PREX2: variants seen among roughly 807,000 people sequenced by gnomAD.
The protein encoded by PREX2 is phosphatidylinositol-3,4,5-trisphosphate dependent Rac exchange factor 2.
A neutral mutation model predicts 203.2 loss-of-function variants in PREX2; 107 were observed. The ratio of observed to expected loss-of-function variants is 0.53; its 90% CI spans 0.45 to 0.62. PREX2 has a LOEUF of 0.62. Among genes scored for constraint, PREX2 ranks in the 20% least tolerant of loss-of-function variants. The pLI is 0.00. For synonymous variants in PREX2, 672 were observed against 663.6 expected (o/e 1.01, Z -0.19); for missense variants, 1,777 against 1,955.9 (o/e 0.91, Z 1.72).
intron 7 of PREX2, 149 bp downstream of exon 7, chr8:68,038,441 A>G (rs1808099544): frequency 3.9e-6 from 3 of 766,182 alleles, no homozygotes; most frequent in Non-Finnish European, 2.1e-6. Flanking sequence ...ATTTCTTCAC[A>G]TATATTCAGT....
At chr8:68,097,550 C>G (rs1370866609) in intron 22 of PREX2, among the ~76,000 whole-genome samples, 4 of 152,216 alleles carry the variant, frequency 2.6e-5, no homozygotes, top group Non-Finnish European at 4.4e-5. Context: ...GTCTCAAACT[C>G]CTGACCTCAA....
chr8:67,996,659 C>T (rs546174346), intron 1 of PREX2, among the ~76,000 whole-genome samples: 1 of 152,246 alleles, frequency 6.6e-6, no homozygotes, highest in Non-Finnish European at 1.5e-5. Flanking sequence ...ATCTATTTTA[C>T]ATTTTTTACT....
chr8:68,151,924 A>T (rs549145264), intron 34 of PREX2, among the ~76,000 whole-genome samples: 2 of 151,458 alleles, frequency 1.3e-5, no homozygotes, highest in Non-Finnish European at 2.9e-5. Context: ...ACGTTTTGTT[A>T]TAAACATTGT....
At chr8:67,958,847 T>C (rs1390783325) in intron 1 of PREX2, among the ~76,000 whole-genome samples, 1 of 152,176 alleles carries the variant, frequency 6.6e-6, no homozygotes, top group African/African-American at 2.4e-5. Flanking sequence ...AGAATTGGAA[T>C]GCAGGGGACA....
intron 8 of PREX2, among the ~76,000 whole-genome samples, chr8:68,046,202 T>C (rs984703083): frequency 5.9e-5 from 9 of 152,096 alleles, no homozygotes; most frequent in Admixed American, 2.6e-4. Flanking sequence ...CCACCCCTTA[T>C]GTCCCACTTT....
At position 68,233,138 on chromosome 8, in the gene PREX2, A is replaced by G. The variant is rs1405068954; in HGVS notation, c.*1760A>G. 6.6e-6 allele frequency: 1 copy of G among 152,216 alleles called. No individual in the cohort carries two copies. Among genetic ancestry groups the G allele is most frequent in the East Asian group, 1.9e-4 (1 of 5,198 alleles). 9.4% of individuals were successfully genotyped at this position (152,216 alleles called of 1,614,324 possible). ...TACAATGAAAAACAAGGAACCTAAC[A>G]TCAGAGTTTTCAAGAAAAAGTTGAA... On this transcript the variant is annotated 3_prime_UTR_variant, in exon 40 of 40. Transcript: ENST00000288368.
chr8:68,017,845 G>A lies in PREX2; in HGVS notation c.142-1G>A. 6.2e-7 allele frequency: 1 copy of A among 1,611,074 alleles called. No homozygotes were observed. The highest frequency in any genetic ancestry group is 8.5e-7 in the Non-Finnish European group (1 of 1,178,008). On this transcript the variant is annotated splice_acceptor_variant, in intron 1 of 39. Coordinates refer to ENST00000288368, the MANE Select transcript of PREX2 (RefSeq NM_024870.4). LOFTEE classifies it high-confidence loss of function. ...TCATAATGTCTTCTTGTTTCATGCA[G>A]GCATTCTTACACAGAATGAACCAGT...
chr8:68,086,274 A>G (rs1490531457), intron 18 of PREX2, among the ~76,000 whole-genome samples: 1 of 152,150 alleles, frequency 6.6e-6, no homozygotes, highest in Non-Finnish European at 1.5e-5. Context: ...ATGCCTGCCT[A>G]GGTTATATTT....
intron 11 of PREX2, among the ~76,000 whole-genome samples, chr8:68,068,193 T>A (rs1417539304): frequency 6.6e-6 from 1 of 152,010 alleles, no homozygotes; most frequent in Admixed American, 6.6e-5. Context: ...AGTATTCATA[T>A]CTGGCCTTGT....
intron 37 of PREX2, among the ~76,000 whole-genome samples, chr8:68,202,833 G>C (rs1812534341): frequency 6.6e-6 from 1 of 152,194 alleles, no homozygotes; most frequent in African/African-American, 2.4e-5. Context: ...CTGCAAGCTG[G>C]AGAACCAGGG....
chr8:68,106,463 G>A, intron 23 of PREX2: 1 of 408,328 alleles, frequency 2.4e-6, no homozygotes, highest in Non-Finnish European at 4.7e-6. Context: ...TCATCATTTT[G>A]TTAATAATTT....
chr8:68,019,479 T>C (rs1465011799), intron 2 of PREX2, 70 bp from the exon 3 acceptor site: 3 of 1,251,638 alleles, frequency 2.4e-6, no homozygotes, highest in East Asian at 5.0e-5. Flanking sequence ...GGAGAGAGAA[T>C]ACTATGCTAT....
rs1806105210 is a variant in PREX2 at position 67,976,591 on chromosome 8, G to A, written c.141+24056G>A. On this transcript the variant is annotated intron_variant, in intron 1 of 39. Transcript: ENST00000288368. ...GAGACAGAGACAGAGAGAGAGATGG[G>A]AGAGAGACAGAGAGAGAGAGACAGA... is the stretch of plus-strand genomic sequence containing the variant. Among the ~76,000 whole-genome samples the A allele has an allele frequency of 2.2e-5, 3 of 135,188 alleles. 1 individual carries two copies. Among genetic ancestry groups the A allele is most frequent in the African/African-American group, 8.4e-5 (3 of 35,806 alleles). The allele number at this position is 135,188 out of a possible 152,430, so 88.7% of individuals were successfully genotyped here. A position where few individuals can be genotyped will look rare whatever the true frequency, so the allele number is the denominator to read the frequency against.
In PREX2 at chr8:68,232,717, C is replaced by G. The variant is rs1054559177; in HGVS notation, c.*1339C>G. The G allele has an allele frequency of 1.3e-5, 2 of 152,144 alleles. No homozygotes were observed. Among genetic ancestry groups the G allele is most frequent in the Non-Finnish European group, 2.9e-5 (2 of 68,068 alleles). The allele number at this position is 152,144 out of a possible 1,614,324, so 9.4% of individuals were successfully genotyped here. A position where few individuals can be genotyped will look rare whatever the true frequency, so the allele number is the denominator to read the frequency against. On this transcript the variant is annotated 3_prime_UTR_variant, in exon 40 of 40. Coordinates refer to ENST00000288368, the MANE Select transcript of PREX2 (RefSeq NM_024870.4). The stretch of plus-strand genomic sequence containing the variant: ...CACTGCAACCTCCACCTCCTGGGTT[C>G]AAGCCATTCTCTTGCCTCAGCCTCC...
At chr8:68,062,325 A>G (rs114432324) in intron 11 of PREX2, among the ~76,000 whole-genome samples, 1 of 152,294 alleles carries the variant, frequency 6.6e-6, no homozygotes, top group African/African-American at 2.4e-5. Flanking sequence ...CGGGGATATG[A>G]TCAAAGCATC....
chr8:68,085,795 T>C (rs982586516), intron 18 of PREX2, among the ~76,000 whole-genome samples: 5 of 152,156 alleles, frequency 3.3e-5, no homozygotes, highest in South Asian at 4.1e-4. Context: ...TCTTAAAGAT[T>C]AGAGTCAACC....
chr8:68,187,362 C>G (rs756959383), intron 35 of PREX2, among the ~76,000 whole-genome samples: 1 of 152,086 alleles, frequency 6.6e-6, no homozygotes, highest in African/African-American at 2.4e-5. Flanking sequence ...AGATTACCTC[C>G]ACGGAAAGCA....
Position 68,234,065 on chromosome 8 carries a change from C to T in PREX2, c.*2687C>T, listed in dbSNP as rs1297920368. The stretch of plus-strand genomic sequence containing the variant: ...CTCAACAGTGTTGCAATCTGAAAAA[C>T]TATTTTGTATCATGTTCCTCCTCAT... On this transcript the variant is annotated 3_prime_UTR_variant, in exon 40 of 40. Coordinates refer to ENST00000288368, the MANE Select transcript of PREX2 (RefSeq NM_024870.4). The T allele has an allele frequency of 4.6e-5, 7 of 152,152 alleles. No homozygotes were observed. The highest frequency in any genetic ancestry group is 1.0e-4 in the Non-Finnish European group (7 of 68,014). 9.4% of individuals were successfully genotyped at this position (152,152 alleles called of 1,614,324 possible).
intron 37 of PREX2, among the ~76,000 whole-genome samples, chr8:68,192,899 A>G (rs1164063109): frequency 6.6e-6 from 1 of 152,228 alleles, no homozygotes; most frequent in Non-Finnish European, 1.5e-5. Flanking sequence ...TCCACTATTC[A>G]GTGGTTCCAA....
Sources: gnomAD v4.1 joint callset for allele counts (sites outside exome capture counted in the v4.1 genomes callset) on GRCh38, gnomAD v4.1.1 for gene constraint, MANE v1.5 for transcripts, NCBI Gene and HGNC (gene_info 2026-07-23, HGNC 2026-07-21) for gene names.